Variants in PRDM5 observed in about 807,000 individuals in gnomAD.
The protein encoded by PRDM5 is PR domain zinc finger protein 5.
PRDM5 carries 56 observed loss-of-function variants against 81.2 expected under a neutral mutation model. That is an observed-to-expected ratio of 0.69 (90% CI 0.56 to 0.86). The LOEUF is 0.86. Ranked by LOEUF, PRDM5 falls within the 40% of genes least tolerant of loss-of-function variation. The pLI is 0.00. For missense variants in PRDM5, 697 were observed against 770.1 expected, an observed-to-expected ratio of 0.91 and a Z score of 1.12; for synonymous variants, 267 against 256.4, an observed-to-expected ratio of 1.04 and a Z score of -0.39.
chr4:120,827,930 G>A (rs1163065818), intron 3 of PRDM5, among the ~76,000 whole-genome samples: 1 of 152,074 alleles, frequency 6.6e-6, no homozygotes, highest in Non-Finnish European at 1.5e-5. Context: ...GCTTTGGACT[G>A]GACTCTACTG....
At chr4:120,870,071 C>T (rs183058586) in intron 2 of PRDM5, among the ~76,000 whole-genome samples, 3 of 151,488 alleles carry the variant, frequency 2.0e-5, no homozygotes, top group East Asian at 1.9e-4. Context: ...GAGAAGGACT[C>T]GGAGGAGAAG....
intron 14 of PRDM5, among the ~76,000 whole-genome samples, chr4:120,741,757 G>A (rs1282904203): frequency 6.6e-6 from 1 of 152,144 alleles, no homozygotes; most frequent in Non-Finnish European, 1.5e-5. Flanking sequence ...ATTATATCAT[G>A]CACCTGGCTC....
rs2149287327 is a variant in PRDM5, at chr4:120,799,735, A to G, written c.956T>C (p.Ile319Thr). 3 of 1,612,310 alleles carry G rather than the reference A, an allele frequency of 1.9e-6. No individual in the cohort carries two copies. In the East Asian group the frequency reaches 6.7e-5, roughly 36 times the overall value. The change falls in exon 9 of 16, where the codon ATA (isoleucine) becomes ACA (threonine). Residue 319 changes from isoleucine to threonine, a missense_variant. By Grantham distance (89) the Ile-to-Thr change is moderately conservative. Transcript: ENST00000264808. ...CTTCATACATTCTTGACAATCAAAT[A>G]TCTCATGAATCTGCAAAAGGTTAAA... ...SLQEHRKIHE[I>T]FDCQECMKKF...
intron 4 of PRDM5, among the ~76,000 whole-genome samples, chr4:120,819,947 G>A (rs774406104): frequency 3.9e-5 from 6 of 152,182 alleles, no homozygotes; most frequent in Non-Finnish European, 8.8e-5. Context: ...ATAACATGCA[G>A]TTAGAACAGA....
intron 15 of PRDM5, among the ~76,000 whole-genome samples, chr4:120,706,708 G>GGTT (rs1736208326): frequency 2.2e-4 from 2 of 8,976 alleles, no homozygotes; most frequent in African/African-American, 7.3e-4. Context: ...GGCAAAACTG[G>GGTT]TTTTATATAT....
intron 14 of PRDM5, among the ~76,000 whole-genome samples, chr4:120,723,923 ATTTTTTTTTTTTT>A (rs70948360): frequency 1.7e-4 from 14 of 81,256 alleles, no homozygotes; most frequent in African/African-American, 4.7e-4. Context: ...GATAGCTTGA[ATTTTTTTTTTTTT>A]TTTTTTTTTT....
At chr4:120,754,429 CATAA>C (rs1578603048) in intron 14 of PRDM5, 120 bp downstream of exon 14, 4 of 610,114 alleles carry the variant, frequency 6.6e-6, no homozygotes, top group East Asian at 5.8e-5. Context: ...AAATATCTGT[CATAA>C]ATATAGATAT....
chr4:120,791,081 C>T (rs929040714), intron 10 of PRDM5, among the ~76,000 whole-genome samples: 2 of 152,104 alleles, frequency 1.3e-5, no homozygotes, highest in Non-Finnish European at 2.9e-5. Context: ...AGTAAAATGG[C>T]ATTTTATACA....
intron 12 of PRDM5, 52 bp downstream of exon 12, chr4:120,781,091 C>T: frequency 6.8e-7 from 1 of 1,473,744 alleles, no homozygotes. Flanking sequence ...CATATATACC[C>T]ATACTGCTTA....
chr4:120,910,875 T>A (rs1766425178), intron 1 of PRDM5, among the ~76,000 whole-genome samples: 1 of 152,224 alleles, frequency 6.6e-6, no homozygotes, highest in Admixed American at 6.5e-5. Flanking sequence ...GACTTCCTGA[T>A]ATCATTGGTT....
At chr4:120,774,144 A>G (rs1747712019) in intron 13 of PRDM5, among the ~76,000 whole-genome samples, 1 of 152,198 alleles carries the variant, frequency 6.6e-6, no homozygotes, top group Admixed American at 6.5e-5. Flanking sequence ...GTATGGAGTG[A>G]TGAGGCCACA....
At chr4:120,770,598 G>C (rs141313513) in intron 13 of PRDM5, among the ~76,000 whole-genome samples, 1 of 151,998 alleles carries the variant, frequency 6.6e-6, no homozygotes, top group Non-Finnish European at 1.5e-5. Context: ...GTTCAAGAAA[G>C]TATGGACAGC....
intron 3 of PRDM5, among the ~76,000 whole-genome samples, chr4:120,836,015 G>A (rs944027794): frequency 6.6e-6 from 1 of 152,080 alleles, no homozygotes; most frequent in African/African-American, 2.4e-5. Context: ...GAAGGCCAGA[G>A]GGAAGCAGAA....
rs72921523 is a variant in PRDM5, at chr4:120,761,875, T to C, written c.1538-7237A>G. ...TAAATACACTGAATTAATATGTTAA[T>C]AATGACCATGATCAAACTTGAAGAT... On this transcript the variant is annotated intron_variant, in intron 13 of 15. Transcript: ENST00000264808. 3.3e-3 allele frequency among the ~76,000 whole-genome samples: 503 copies of C among 152,234 alleles called. 2 individuals are homozygous for C. The highest frequency in any genetic ancestry group is 0.011 in the African/African-American group (466 of 41,562).
At chr4:120,802,863 C>G (rs1294520470) in intron 8 of PRDM5, among the ~76,000 whole-genome samples, 2 of 152,202 alleles carry the variant, frequency 1.3e-5, no homozygotes, top group Non-Finnish European at 2.9e-5. Flanking sequence ...TGGAGAATGA[C>G]TTTGACGAGT....
At chr4:120,840,347 T>A (rs1354131951) in intron 3 of PRDM5, among the ~76,000 whole-genome samples, 1 of 151,848 alleles carries the variant, frequency 6.6e-6, no homozygotes, top group African/African-American at 2.4e-5. Flanking sequence ...CCTCTGGGAG[T>A]GGATCACGGG....
chr4:120,866,586 G>A (rs911605037), intron 2 of PRDM5, among the ~76,000 whole-genome samples: 5 of 152,146 alleles, frequency 3.3e-5, no homozygotes, highest in African/African-American at 7.2e-5. Flanking sequence ...TATTAAGCAC[G>A]TTTAACAGAT....
intron 2 of PRDM5, among the ~76,000 whole-genome samples, chr4:120,901,020 A>C (rs1450360720): frequency 6.6e-6 from 1 of 152,196 alleles, no homozygotes; most frequent in East Asian, 1.9e-4. Flanking sequence ...ATATGTCCTC[A>C]TGTATTTAAA....
At chr4:120,920,730 T>C (rs1053487326) in intron 1 of PRDM5, among the ~76,000 whole-genome samples, 9 of 152,240 alleles carry the variant, frequency 5.9e-5, no homozygotes, top group African/African-American at 1.9e-4. Context: ...ATAGCAAACA[T>C]CTGCACATTC....
Sources: allele counts gnomAD v4.1 joint callset (sites outside exome capture counted in the v4.1 genomes callset), GRCh38; gene constraint gnomAD v4.1.1; transcripts MANE v1.5; gene names NCBI Gene and HGNC (gene_info 2026-07-23, HGNC 2026-07-21).